The following TAMM41 variants were observed in gnomAD, a reference collection of about 807,000 sequenced individuals.
TAMM41 encodes the protein phosphatidate cytidylyltransferase, mitochondrial.
Under a neutral mutation model 44.1 loss-of-function variants are expected in TAMM41, and 36 were observed. The ratio of observed to expected loss-of-function variants is 0.82; its 90% CI spans 0.63 to 1.08. The LOEUF (loss-of-function observed/expected upper bound fraction) is 1.08, where lower values mean the gene tolerates loss of function less well. Ranked by LOEUF, TAMM41 falls within the 50% of genes least tolerant of loss-of-function variation. The pLI, the probability that TAMM41 is intolerant of heterozygous loss-of-function variation, is 0.00. For missense variants in TAMM41, 417 were observed against 404.3 expected, an observed-to-expected ratio of 1.03 and a Z score of -0.27; for synonymous variants, 164 against 153.1, an observed-to-expected ratio of 1.07 and a Z score of -0.53.
the TAMM41 span, among the ~76,000 whole-genome samples, chr3:11,756,804 G>A: frequency 6.6e-6 from 1 of 151,932 alleles, no homozygotes; most frequent in East Asian, 1.9e-4. Flanking sequence ...GGCAGAGGTT[G>A]CGGTGAGCTG....
At chr3:11,835,054 G>A (rs576360156) in intron 3 of TAMM41, among the ~76,000 whole-genome samples, 1 of 152,286 alleles carries the variant, frequency 6.6e-6, no homozygotes, top group East Asian at 1.9e-4. Flanking sequence ...CAAGATGCAA[G>A]ACAATTCTGG....
At chr3:11,725,425 T>TCTTTCC in the TAMM41 span, among the ~76,000 whole-genome samples, 3 of 68,060 alleles carry the variant, frequency 4.4e-5, no homozygotes, top group Non-Finnish European at 8.8e-5. Context: ...TTCTTCTTCT[T>TCTTTCC]TCCTCCTCCT....
At chr3:11,796,167 C>T (rs1451526973) in intron 7 of TAMM41, among the ~76,000 whole-genome samples, 1 of 152,170 alleles carries the variant, frequency 6.6e-6, no homozygotes, top group Non-Finnish European at 1.5e-5. Context: ...GCCATGTTAT[C>T]CAACAGTGTT....
chr3:11,770,442 C>T, the TAMM41 span, among the ~76,000 whole-genome samples: 463 of 152,340 alleles, frequency 3.0e-3, 4 homozygotes, highest in African/African-American at 0.01. Flanking sequence ...ATCACTGGCT[C>T]TCAACTGGGA....
rs1226687593 is a variant in TAMM41 at position 11,846,577 on chromosome 3, G to T, written c.60C>A (p.Phe20Leu). ...CGAAAGCCAGACTCAGCTCCTCGGGGAAGTGAGACAGGATCTTGCGGAAGG... is the reference window on the plus strand; with the variant it reads ...CGAAAGCCAGACTCAGCTCCTCGGGTAAGTGAGACAGGATCTTGCGGAAGG... ...WVTFRKILSH[F>L]PEELSLAFVY... Residue 20 changes from phenylalanine to leucine, a missense_variant, in exon 1 of 8, where the codon TTC becomes TTA. Transcript: ENST00000455809. 6.2e-7 allele frequency: 1 copy of T among 1,614,252 alleles called. No homozygotes were observed. Among genetic ancestry groups the T allele is most frequent in the Admixed American group, 1.7e-5 (1 of 60,032 alleles).
the TAMM41 span, among the ~76,000 whole-genome samples, chr3:11,762,561 C>A: frequency 1.3e-5 from 2 of 152,210 alleles, no homozygotes; most frequent in Non-Finnish European, 2.9e-5. Context: ...AACTTAGACT[C>A]CCACTACTGT....
At chr3:11,788,864 G>A (rs999427643), downstream of TAMM41, among the ~76,000 whole-genome samples, 15 of 152,006 alleles carry the variant, frequency 9.9e-5, no homozygotes, top group Non-Finnish European at 2.1e-4. Flanking sequence ...TTGAACCCAG[G>A]AGGTGGAGGT....
chr3:11,732,253 C>T, the TAMM41 span, among the ~76,000 whole-genome samples: 2 of 152,098 alleles, frequency 1.3e-5, no homozygotes, highest in South Asian at 4.2e-4. Flanking sequence ...TCTTCTTTCC[C>T]TTTTTCCTTC....
the TAMM41 span, among the ~76,000 whole-genome samples, chr3:11,772,428 G>C: frequency 1.3e-5 from 2 of 152,054 alleles, no homozygotes. Context: ...CTATTGTTTA[G>C]CTGTCACAAG....
the TAMM41 span, among the ~76,000 whole-genome samples, chr3:11,781,254 G>A: frequency 2.0e-5 from 3 of 152,166 alleles, no homozygotes; most frequent in African/African-American, 4.8e-5. Context: ...TGGGGACAGT[G>A]AAATTCAAGT....
At chr3:11,776,707 A>C in the TAMM41 span, among the ~76,000 whole-genome samples, 5 of 152,202 alleles carry the variant, frequency 3.3e-5, no homozygotes, top group African/African-American at 1.2e-4. Flanking sequence ...ATTAAGTGAC[A>C]CGTGACTGCA....
At chr3:11,817,995 G>T (rs1252954578) in intron 4 of TAMM41, among the ~76,000 whole-genome samples, 1 of 152,190 alleles carries the variant, frequency 6.6e-6, no homozygotes, top group East Asian at 1.9e-4. Flanking sequence ...TGAATCAAAT[G>T]AAAAGTGCCC....
At chr3:11,793,083 A>AAAAAAAAAAAAAAAAAAAAAAG (rs1553566249) in intron 7 of TAMM41, among the ~76,000 whole-genome samples, 2 of 132,632 alleles carry the variant, frequency 1.5e-5, no homozygotes, top group African/African-American at 5.4e-5. Flanking sequence ...AAAAAAAAAA[A>AAAAAAAAAAAAAAAAAAAAAAG]AGAGAGTGAA....
At chr3:11,817,479 CTGGACACTTTA>C in intron 4 of TAMM41, 142 bp from the exon 5 acceptor site, 1 of 808,902 alleles carries the variant, frequency 1.2e-6, no homozygotes, top group Admixed American at 2.6e-5. Context: ...TCCTCAAAAC[CTGGACACTTTA>C]CCCCAAGAAA....
chr3:11,844,355 T>C (rs1670819376), intron 1 of TAMM41, 144 bp from the exon 2 acceptor site: 1 of 700,192 alleles, frequency 1.4e-6, no homozygotes, highest in Non-Finnish European at 2.3e-6. Flanking sequence ...AGCGAGTCTC[T>C]GGAACAAATA....
chr3:11,809,486 C>A, intron 6 of TAMM41, 31 bp downstream of exon 6: 1 of 1,610,330 alleles, frequency 6.2e-7, no homozygotes, highest in South Asian at 1.1e-5. Context: ...CCATGGCTGG[C>A]ATTTCCTCAA....
chr3:11,729,521 CTTTCTTTTCTTTCTTTCATTTTT>C, the TAMM41 span, among the ~76,000 whole-genome samples: 42 of 93,992 alleles, frequency 4.5e-4, 1 homozygote, highest in African/African-American at 6.4e-4. Context: ...TTCTTTCTTT[CTTTCTTTTCTTTCTTTCATTTTT>C]TTTTTTTTTT....
chr3:11,768,509 G>A, the TAMM41 span, among the ~76,000 whole-genome samples: 1 of 152,188 alleles, frequency 6.6e-6, no homozygotes, highest in Non-Finnish European at 1.5e-5. Context: ...ACAATTTTAT[G>A]TTAGAATAGA....
At chr3:11,794,160 T>A (rs1384087290) in intron 7 of TAMM41, among the ~76,000 whole-genome samples, 3 of 151,824 alleles carry the variant, frequency 2.0e-5, no homozygotes, top group South Asian at 2.1e-4. Context: ...TTTTTTTTTT[T>A]TTTTTTTACT....
Sources: allele counts gnomAD v4.1 joint callset (sites outside exome capture counted in the v4.1 genomes callset), GRCh38; gene constraint gnomAD v4.1.1; transcripts MANE v1.5; gene names NCBI Gene and HGNC (gene_info 2026-07-23, HGNC 2026-07-21).